The following DIXDC1 variants were observed in gnomAD, a reference collection of about 807,000 sequenced individuals.
DIXDC1 encodes the protein DIX domain containing 1, also known as dixin.
A neutral mutation model predicts 103.1 loss-of-function variants in DIXDC1; 64 were observed. That is an observed-to-expected ratio of 0.62 (90% confidence interval 0.51 to 0.76). The LOEUF (loss-of-function observed/expected upper bound fraction) is 0.76, where lower values mean the gene tolerates loss of function less well. Among genes scored for constraint, DIXDC1 ranks in the 30% least tolerant of loss-of-function variants. DIXDC1 has a pLI of 0.00. For missense variants in DIXDC1, 759 were observed against 834.2 expected, an observed-to-expected ratio of 0.91 and a Z score of 1.11; for synonymous variants, 266 against 298.5, an observed-to-expected ratio of 0.89 and a Z score of 1.12.
At position 111,974,235 on chromosome 11, in the gene DIXDC1, GT is replaced by G; in HGVS notation, c.530del (p.Val177AlafsTer25). 6.2e-7 allele frequency: 1 copy of G among 1,613,470 alleles called. No homozygotes were observed. The highest frequency in any genetic ancestry group is 8.5e-7 in the Non-Finnish European group (1 of 1,179,714). ...TGACATGTCCCGATCAGGACGGGAT[GT>G]CTTTCGATATAGACAGAGGTAAGGG... ...CHDMSRSGRD[V>X]FRYRQRNSSM... On this transcript the variant is annotated frameshift_variant, in exon 4 of 20. Coordinates refer to ENST00000440460, the MANE Select transcript of DIXDC1 (RefSeq NM_001037954.4). LOFTEE classifies it high-confidence loss of function.
intron 17 of DIXDC1, among the ~76,000 whole-genome samples, chr11:112,006,270 C>T (rs985889427): frequency 1.3e-5 from 2 of 151,998 alleles, no homozygotes; most frequent in Non-Finnish European, 1.5e-5. Context: ...AGTAGGTAAA[C>T]AAAGCTGCCT....
intron 17 of DIXDC1, among the ~76,000 whole-genome samples, chr11:112,009,733 G>C (rs1266036350): frequency 6.6e-6 from 1 of 152,164 alleles, no homozygotes; most frequent in Non-Finnish European, 1.5e-5. Context: ...AATAGATGCA[G>C]AAAAGGCCTT....
At chr11:111,994,657 T>C (rs140140857) in intron 14 of DIXDC1, among the ~76,000 whole-genome samples, 5,921 of 150,986 alleles carry the variant, frequency 0.039, 175 homozygotes, top group Middle Eastern at 0.066. Context: ...TGTGTGTGTG[T>C]ATATATATAT....
At chr11:111,939,305 C>G (rs115618168) in intron 1 of DIXDC1, among the ~76,000 whole-genome samples, 1,714 of 152,280 alleles carry the variant, frequency 0.011, 34 homozygotes, top group African/African-American at 0.039. Context: ...TTTGGTGCTT[C>G]CATAAATATC....
upstream of DIXDC1, among the ~76,000 whole-genome samples, chr11:111,933,320 G>A (rs1187459326): frequency 6.6e-6 from 1 of 152,142 alleles, no homozygotes; most frequent in Non-Finnish European, 1.5e-5. Flanking sequence ...TAGGGAGGGG[G>A]TTTCTCCATG....
intron 17 of DIXDC1, among the ~76,000 whole-genome samples, chr11:112,012,624 A>T (rs587718608): frequency 6.6e-6 from 1 of 152,348 alleles, no homozygotes; most frequent in East Asian, 1.9e-4. Context: ...TTTCAAAATC[A>T]TGTATTAAAT....
intron 10 of DIXDC1, among the ~76,000 whole-genome samples, chr11:111,991,426 G>A (rs1432469284): frequency 6.6e-6 from 1 of 152,216 alleles, no homozygotes; most frequent in Non-Finnish European, 1.5e-5. Context: ...CTGATGCCAA[G>A]GGCATCTTAG....
At chr11:112,005,476 A>T (rs1861205977) in intron 17 of DIXDC1, among the ~76,000 whole-genome samples, 1 of 152,156 alleles carries the variant, frequency 6.6e-6, no homozygotes, top group African/African-American at 2.4e-5. Context: ...CAGGAGGATC[A>T]CTTGTGCCCA....
At chr11:111,975,799 A>G (rs1418117818) in intron 5 of DIXDC1, 4 of 984,586 alleles carry the variant, frequency 4.1e-6, no homozygotes, top group Admixed American at 1.2e-4. Flanking sequence ...TCTTCCTCCT[A>G]TTTTTTTCTC....
intron 17 of DIXDC1, among the ~76,000 whole-genome samples, chr11:112,010,733 A>G (rs1861389237): frequency 6.6e-6 from 1 of 152,266 alleles, no homozygotes; most frequent in Non-Finnish European, 1.5e-5. Context: ...TGGTGCTGGG[A>G]AAACTGGCTA....
At position 111,995,450 on chromosome 11, in the gene DIXDC1, C is replaced by T; in HGVS notation, c.1575C>T (p.Asn525=). The T allele has an allele frequency of 1.2e-6, 2 of 1,613,806 alleles. No homozygotes were observed. The highest frequency in any genetic ancestry group is 1.7e-6 in the Non-Finnish European group (2 of 1,179,910). ...GAGATGCTCTCCGCAGCCTGCGCAA[C>T]AGCTTCAGTGGCCACGATCCTCAGC... ...LVRDALRSLR[N]SFSGHDPQHH... The change falls in exon 16 of 20, where the codon AAC becomes AAT. Residue 525 remains asparagine, a synonymous_variant. Coordinates refer to ENST00000440460, the MANE Select transcript of DIXDC1 (RefSeq NM_001037954.4).
At chr11:111,978,891 TCTC>T (rs1555172960) in intron 5 of DIXDC1, among the ~76,000 whole-genome samples, 1 of 152,190 alleles carries the variant, frequency 6.6e-6, no homozygotes, top group Non-Finnish European at 1.5e-5. Flanking sequence ...ACAAATCTAT[TCTC>T]CTTGTGAATG....
chr11:111,943,097 CAG>C (rs1966470274), intron 1 of DIXDC1, among the ~76,000 whole-genome samples: 2 of 150,840 alleles, frequency 1.3e-5, no homozygotes, highest in African/African-American at 5.0e-5. Flanking sequence ...TCACACTACT[CAG>C]AGTGTTGGAC....
intron 17 of DIXDC1, among the ~76,000 whole-genome samples, chr11:112,011,898 C>T (rs1592631500): frequency 6.6e-6 from 1 of 152,206 alleles, no homozygotes; most frequent in Non-Finnish European, 1.5e-5. Context: ...CACATGTATA[C>T]CTATGTAACA....
intron 1 of DIXDC1, among the ~76,000 whole-genome samples, chr11:111,954,962 A>G (rs1046755971): frequency 6.6e-6 from 1 of 152,138 alleles, no homozygotes. Context: ...ACATTCATAT[A>G]TATGTCAAGA....
At chr11:111,968,770 T>C in intron 3 of DIXDC1, 132 bp downstream of exon 3, 1 of 1,138,744 alleles carries the variant, frequency 8.8e-7, no homozygotes, top group Non-Finnish European at 1.2e-6. Flanking sequence ...TTTTATTTTT[T>C]ATTTCATGAT....
In DIXDC1 at chr11:111,977,642, G is replaced by A. The variant is rs1438797704; in HGVS notation, c.656+2659G>A. 3 of 1,545,126 alleles carry A rather than the reference G, an allele frequency of 1.9e-6. No individual in the cohort carries two copies. The highest frequency in any genetic ancestry group is 1.7e-6 in the Non-Finnish European group (2 of 1,144,444). ...GCCGGGCCAGTAGCTTTGCTAGCTG[G>A]CCTTCCCGTGGAGGCGTTTTCCAGC... On this transcript the variant is annotated intron_variant, in intron 5 of 19. Transcript: ENST00000440460. The surrounding 1 kb of genome is among the most constrained non-coding windows in gnomAD (Gnocchi z 6.1).
rs1302217645 is a variant in DIXDC1 at position 111,958,409 on chromosome 11, C to T, written c.61-6140C>T. Among the ~76,000 whole-genome samples, 4 of 152,212 alleles carry T rather than the reference C, an allele frequency of 2.6e-5. No homozygotes were observed. The highest frequency in any genetic ancestry group is 7.2e-5 in the African/African-American group (3 of 41,452). On this transcript the variant is annotated intron_variant, in intron 1 of 19. Coordinates refer to ENST00000440460, the MANE Select transcript of DIXDC1 (RefSeq NM_001037954.4). This position sits in a 1 kb window ranked among gnomAD's most constrained non-coding sequence, Gnocchi z 4.2. ...GCCTGGCCTCTCCCGACTCCCTGCACCTGCTCCGATCTTGGAGCAAAGTTG... is the reference window on the plus strand; with the variant it reads ...GCCTGGCCTCTCCCGACTCCCTGCATCTGCTCCGATCTTGGAGCAAAGTTG...
intron 17 of DIXDC1, among the ~76,000 whole-genome samples, chr11:112,001,206 A>G (rs1176145142): frequency 6.6e-6 from 1 of 152,214 alleles, no homozygotes; most frequent in Non-Finnish European, 1.5e-5. Flanking sequence ...AAAAGGGCAC[A>G]TATTGTGTAA....
Sources: gnomAD v4.1 joint callset for allele counts (sites outside exome capture counted in the v4.1 genomes callset) on GRCh38, gnomAD v4.1.1 for gene constraint, Gnocchi (gnomAD v3.1) non-coding constraint, MANE v1.5 for transcripts, NCBI Gene and HGNC (gene_info 2026-07-23, HGNC 2026-07-21) for gene names.